PRPSAP1: variants seen among roughly 807,000 people sequenced by gnomAD.
PRPSAP1 encodes the protein phosphoribosyl pyrophosphate synthetase associated protein 1, also known as phosphoribosyl pyrophosphate synthase-associated protein 1.
In PRPSAP1, 31 loss-of-function variants were observed where a neutral mutation model predicts 39.4. The observed-to-expected ratio is 0.79, with a 90% CI of 0.59 to 1.06. The LOEUF (loss-of-function observed/expected upper bound fraction) is 1.06. Among genes scored for constraint, PRPSAP1 ranks in the 50% least tolerant of loss-of-function variants. The pLI, the probability that PRPSAP1 is intolerant of heterozygous loss-of-function variation, is 0.00. For missense variants in PRPSAP1, 430 were observed against 511.6 expected (o/e 0.84, Z 1.54); for synonymous variants, 212 against 192.6 (o/e 1.10, Z -0.83).
chr17:76,343,392 T>C (rs1399625982), intron 3 of PRPSAP1, among the ~76,000 whole-genome samples: 1 of 152,204 alleles, frequency 6.6e-6, no homozygotes, highest in Non-Finnish European at 1.5e-5. Flanking sequence ...CGGTGCAAGA[T>C]AAAATGCAGT....
rs747426434 is a variant in PRPSAP1, at chr17:76,328,714, T to C, written c.781+3A>G. On this transcript the variant is annotated splice_donor_region_variant and intron_variant, in intron 7 of 9. Coordinates refer to ENST00000446526, the MANE Select transcript of PRPSAP1 (RefSeq NM_002766.3). ...TAAAATAAAAACACAGAGCTCATCT[T>C]ACATGGCAACTCCAGGCCTGGGTGC... 4 of 1,612,480 alleles carry C rather than the reference T, an allele frequency of 2.5e-6. No homozygotes were observed.
At chr17:76,345,415 C>T (rs958490456) in intron 2 of PRPSAP1, among the ~76,000 whole-genome samples, 2 of 151,462 alleles carry the variant, frequency 1.3e-5, no homozygotes, top group Admixed American at 6.6e-5. Flanking sequence ...TGCAGTGAGC[C>T]GTGATCGCGC....
rs2071283892 is a variant in PRPSAP1, at chr17:76,328,838, C to T, written c.660G>A (p.Leu220=). The T allele has an allele frequency of 6.2e-7, 1 of 1,614,044 alleles. No individual in the cohort carries two copies. Among genetic ancestry groups the T allele is most frequent in the East Asian group, 2.2e-5 (1 of 44,882 alleles). The change falls in exon 7 of 10, where the codon CTG becomes CTA. Residue 220 remains leucine, a synonymous_variant. Transcript: ENST00000446526. ...AKRAQSYAER[L]RLGLAVIHGE... is the part of the protein sequence containing the mutation. Reference sequence around the variant, plus strand: ...CGTGAATGACGGCCAAACCCAGACGCAGTCTCTCCGCATAGGACTGGGCCC... The same window carrying T: ...CGTGAATGACGGCCAAACCCAGACGTAGTCTCTCCGCATAGGACTGGGCCC...
intron 7 of PRPSAP1, among the ~76,000 whole-genome samples, chr17:76,318,343 G>C (rs1015348166): frequency 2.6e-5 from 4 of 152,086 alleles, no homozygotes; most frequent in Admixed American, 1.3e-4. Flanking sequence ...CCAGCTACTC[G>C]GGAGGCTGAG....
At chr17:76,326,710 TG>T (rs2071259374) in intron 7 of PRPSAP1, among the ~76,000 whole-genome samples, 1 of 152,230 alleles carries the variant, frequency 6.6e-6, no homozygotes, top group Non-Finnish European at 1.5e-5. Flanking sequence ...GGTTAGGTCT[TG>T]AACAAGAAAA....
intron 7 of PRPSAP1, 52 bp downstream of exon 7, chr17:76,328,665 A>G: frequency 6.3e-7 from 1 of 1,583,188 alleles, no homozygotes; most frequent in Non-Finnish European, 8.6e-7. Flanking sequence ...AACCAACAAA[A>G]AAAAACTTTC....
chr17:76,343,100 G>A (rs34559886), intron 3 of PRPSAP1, among the ~76,000 whole-genome samples: 14,201 of 152,116 alleles, frequency 0.093, 713 homozygotes, highest in South Asian at 0.19. Context: ...AAACAAAAAC[G>A]AAACATATAA....
intron 4 of PRPSAP1, among the ~76,000 whole-genome samples, chr17:76,331,383 T>C (rs2071321046): frequency 6.6e-6 from 1 of 152,218 alleles, no homozygotes; most frequent in South Asian, 2.1e-4. Context: ...GTTCCACGTG[T>C]GGATTCAACG....
chr17:76,339,066 G>A (rs529922652), intron 3 of PRPSAP1, among the ~76,000 whole-genome samples: 105 of 151,290 alleles, frequency 6.9e-4, no homozygotes, highest in Non-Finnish European at 1.3e-3. Flanking sequence ...AATTATCTGT[G>A]TTCTTTAGTT....
At chr17:76,335,585 C>T (rs1212451844) in intron 3 of PRPSAP1, among the ~76,000 whole-genome samples, 2 of 151,638 alleles carry the variant, frequency 1.3e-5, no homozygotes, top group East Asian at 3.9e-4. Context: ...TAACTCCTGA[C>T]CTCAGGTGAT....
At chr17:76,332,573 C>CCTCAT (rs1244223945) in intron 3 of PRPSAP1, 138 bp from the exon 4 acceptor site, 1 of 968,294 alleles carries the variant, frequency 1.0e-6, no homozygotes, top group African/African-American at 1.6e-5. Context: ...TACAATGGCA[C>CCTCAT]CTCATGAAGG....
Position 76,329,833 on chromosome 17 carries a change from G to A in PRPSAP1, c.635+210C>T, listed in dbSNP as rs556714169. 3.3e-5 allele frequency among the ~76,000 whole-genome samples: 5 copies of A among 152,256 alleles called. No individual in the cohort carries two copies. The South Asian group carries it at 1.0e-3, about 32-fold the overall frequency. Reference sequence around the variant, plus strand: ...CTTGAAGGAACTTTGTTTTCCCAGAGGAAAGCTGAGCAACTCAGCGATCAT... The same window carrying A: ...CTTGAAGGAACTTTGTTTTCCCAGAAGAAAGCTGAGCAACTCAGCGATCAT... On this transcript the variant is annotated intron_variant, in intron 6 of 9. Coordinates refer to ENST00000446526, the MANE Select transcript of PRPSAP1 (RefSeq NM_002766.3).
At chr17:76,351,826 C>T (rs779352649) in intron 1 of PRPSAP1, among the ~76,000 whole-genome samples, 1 of 151,542 alleles carries the variant, frequency 6.6e-6, no homozygotes, top group African/African-American at 2.4e-5. Flanking sequence ...AACAAACAAA[C>T]AAAAAAAACC....
chr17:76,312,126 A>C (rs557789679), intron 9 of PRPSAP1, among the ~76,000 whole-genome samples: 1 of 152,170 alleles, frequency 6.6e-6, no homozygotes, highest in African/African-American at 2.4e-5. Context: ...CATCATTATA[A>C]GTTGAAAATA....
intron 3 of PRPSAP1, among the ~76,000 whole-genome samples, chr17:76,340,328 G>A (rs1435201716): frequency 2.0e-5 from 3 of 151,548 alleles, no homozygotes; most frequent in East Asian, 1.9e-4. Context: ...TGAGAAAAAC[G>A]GTAAGTGTTT....
chr17:76,328,560 G>C (rs1489519235), intron 7 of PRPSAP1, among the ~76,000 whole-genome samples, 157 bp downstream of exon 7: 1 of 152,136 alleles, frequency 6.6e-6, no homozygotes, highest in Admixed American at 6.5e-5. Flanking sequence ...AGTCAGCCAA[G>C]ATCACGCCAC....
chr17:76,344,273 G>A (rs2071471796), intron 3 of PRPSAP1, among the ~76,000 whole-genome samples: 1 of 152,144 alleles, frequency 6.6e-6, no homozygotes, highest in African/African-American at 2.4e-5. Flanking sequence ...GACTATAGGT[G>A]CCCGCCACCA....
intron 3 of PRPSAP1, chr17:76,337,351 A>G (rs2071389942): frequency 6.6e-6 from 1 of 152,388 alleles, no homozygotes; most frequent in Non-Finnish European, 1.5e-5. Flanking sequence ...TAAAATTGGA[A>G]TGATACAGAG....
At chr17:76,345,276 G>A (rs1461576898) in intron 2 of PRPSAP1, among the ~76,000 whole-genome samples, 7 of 128,804 alleles carry the variant, frequency 5.4e-5, no homozygotes, top group Non-Finnish European at 9.5e-5. Context: ...AGACCAGCCC[G>A]GCCAATATGG....
Sources: allele counts gnomAD v4.1 joint callset (sites outside exome capture counted in the v4.1 genomes callset), GRCh38; gene constraint gnomAD v4.1.1; transcripts MANE v1.5; gene names NCBI Gene and HGNC (gene_info 2026-07-23, HGNC 2026-07-21).